LMNTD1: variants seen among roughly 807,000 people sequenced by gnomAD.
LMNTD1 encodes the protein lamin tail domain-containing protein 1.
A neutral mutation model predicts 50.9 loss-of-function variants in LMNTD1; 35 were observed. That is an observed-to-expected ratio of 0.69 (90% CI 0.53 to 0.91). The LOEUF is 0.91. Among genes scored for constraint, LMNTD1 ranks in the 40% least tolerant of loss-of-function variants. The probability of loss-of-function intolerance (pLI) is 0.00; values close to 1 mark genes in which losing one functional copy is unlikely to be tolerated. For synonymous variants in LMNTD1, 153 were observed against 161.9 expected (o/e 0.94, Z 0.42); for missense variants, 470 against 475.5 (o/e 0.99, Z 0.11).
At chr12:25,566,234 G>A (rs1312190846) in intron 1 of LMNTD1, among the ~76,000 whole-genome samples, 1 of 151,882 alleles carries the variant, frequency 6.6e-6, no homozygotes, top group African/African-American at 2.4e-5. Context: ...TCTTAGAATT[G>A]CCCTTTCAAG....
chr12:25,484,917 G>C (rs1938572297), intron 9 of LMNTD1, among the ~76,000 whole-genome samples: 1 of 149,542 alleles, frequency 6.7e-6, no homozygotes, highest in South Asian at 2.2e-4. Flanking sequence ...TTGGACATTT[G>C]GGTTGGTTCC....
intron 1 of LMNTD1, among the ~76,000 whole-genome samples, chr12:25,647,584 A>T (rs1169001889): frequency 6.6e-6 from 1 of 152,230 alleles, no homozygotes; most frequent in African/African-American, 2.4e-5. Context: ...AGTTTAAAAA[A>T]TAAAATGTAT....
intron 1 of LMNTD1, among the ~76,000 whole-genome samples, chr12:25,626,335 T>C (rs1258819751): frequency 2.7e-5 from 4 of 149,454 alleles, no homozygotes; most frequent in Admixed American, 6.6e-5. Flanking sequence ...TGTGTGTATA[T>C]ATATATACAC....
At chr12:25,501,065 C>G (rs138116790) in intron 9 of LMNTD1, among the ~76,000 whole-genome samples, 4 of 152,328 alleles carry the variant, frequency 2.6e-5, no homozygotes, top group African/African-American at 9.6e-5. Context: ...TCTCAGCTCA[C>G]TGCAGCCTCC....
At chr12:25,643,432 C>A (rs369043789) in intron 1 of LMNTD1, among the ~76,000 whole-genome samples, 1 of 152,112 alleles carries the variant, frequency 6.6e-6, no homozygotes, top group Non-Finnish European at 1.5e-5. Context: ...AAAAGGTTAA[C>A]AAGGGCCGGA....
chr12:25,526,682 C>T (rs755963491), intron 5 of LMNTD1, 87 bp downstream of exon 5: 25 of 866,688 alleles, frequency 2.9e-5, no homozygotes, highest in Middle Eastern at 2.5e-4. Context: ...AGAGTGATAA[C>T]GAGACAGTGC....
chr12:25,645,185 T>TA (rs1947040904), intron 1 of LMNTD1, among the ~76,000 whole-genome samples: 2 of 152,152 alleles, frequency 1.3e-5, no homozygotes, highest in Non-Finnish European at 2.9e-5. Context: ...CATGAAGAGT[T>TA]GGAGTCTAGC....
At chr12:25,529,599 G>C (rs180851520) in intron 4 of LMNTD1, among the ~76,000 whole-genome samples, 1 of 151,952 alleles carries the variant, frequency 6.6e-6, no homozygotes, top group African/African-American at 2.4e-5. Context: ...ATCTATTTAC[G>C]TCTTTTCTCC....
intron 4 of LMNTD1, among the ~76,000 whole-genome samples, chr12:25,532,430 A>G (rs1445405740): frequency 6.6e-6 from 1 of 152,088 alleles, no homozygotes; most frequent in Non-Finnish European, 1.5e-5. Context: ...CTAAATGCCA[A>G]CTTTTATTCA....
At chr12:25,560,689 T>A (rs1391931406) in intron 1 of LMNTD1, among the ~76,000 whole-genome samples, 3 of 152,254 alleles carry the variant, frequency 2.0e-5, no homozygotes, top group African/African-American at 7.2e-5. Context: ...CCAAATCTTC[T>A]TCCATTTGTT....
intron 8 of LMNTD1, among the ~76,000 whole-genome samples, chr12:25,513,167 A>G (rs569577780): frequency 2.0e-5 from 3 of 152,350 alleles, no homozygotes; most frequent in African/African-American, 7.2e-5. Context: ...CTCAGTGGTG[A>G]CTTTCAGCAC....
intron 1 of LMNTD1, among the ~76,000 whole-genome samples, chr12:25,645,464 A>T (rs539771669): frequency 2.4e-4 from 37 of 152,330 alleles, no homozygotes; most frequent in African/African-American, 8.9e-4. Flanking sequence ...CGTTGCTCAT[A>T]CATTATTACT....
chr12:25,622,475 C>T (rs1017596590), intron 1 of LMNTD1, among the ~76,000 whole-genome samples: 13 of 143,528 alleles, frequency 9.1e-5, no homozygotes, highest in Admixed American at 5.5e-4. Context: ...CCGCCCCCCC[C>T]CGCAAAATAA....
At chr12:25,531,214 A>T (rs1443611845) in intron 4 of LMNTD1, among the ~76,000 whole-genome samples, 1 of 152,170 alleles carries the variant, frequency 6.6e-6, no homozygotes, top group Non-Finnish European at 1.5e-5. Flanking sequence ...ACCTTGTAAG[A>T]CTCTTAAGAA....
chr12:25,547,258 A>G, intron 3 of LMNTD1: 1 of 714,396 alleles, frequency 1.4e-6, no homozygotes, highest in Non-Finnish European at 1.7e-6. Flanking sequence ...AGTGGAAAGA[A>G]CAACGTGTCT....
chr12:25,530,183 A>G (rs1425005153), intron 4 of LMNTD1, among the ~76,000 whole-genome samples: 1 of 152,164 alleles, frequency 6.6e-6, no homozygotes, highest in African/African-American at 2.4e-5. Context: ...TTCTGAATTT[A>G]CATTTTTATA....
rs1244596000 is a variant in LMNTD1 at position 25,479,774 on chromosome 12, C to T, written c.*23-3314G>A. Among the ~76,000 whole-genome samples, 7 of 152,146 alleles carry T rather than the reference C, an allele frequency of 4.6e-5. No homozygotes were observed. In the South Asian group the frequency reaches 1.0e-3, roughly 23 times the overall value. On this transcript the variant is annotated intron_variant, in intron 9 of 9. Transcript: ENST00000458174. ...ATTCCAGTGAAGACAAATCGCTGCC[C>T]TTTTCATGATAGAAGAGGTCCAATA...
chr12:25,629,988 A>G (rs1311163713), intron 1 of LMNTD1, among the ~76,000 whole-genome samples: 1 of 152,168 alleles, frequency 6.6e-6, no homozygotes, highest in Non-Finnish European at 1.5e-5. Flanking sequence ...ATGCTAACCA[A>G]TGGAAGCTGA....
intron 9 of LMNTD1, among the ~76,000 whole-genome samples, chr12:25,501,056 C>A (rs1315410764): frequency 2.6e-5 from 4 of 152,188 alleles, no homozygotes; most frequent in Non-Finnish European, 5.9e-5. Context: ...GTGGTGCAAT[C>A]TCAGCTCACT....
Sources: allele counts gnomAD v4.1 joint callset (sites outside exome capture counted in the v4.1 genomes callset), GRCh38; gene constraint gnomAD v4.1.1; transcripts MANE v1.5; gene names NCBI Gene and HGNC (gene_info 2026-07-23, HGNC 2026-07-21).